The following ESPN variants were observed in gnomAD, a reference collection of about 807,000 sequenced individuals.
The protein encoded by ESPN is autosomal recessive deafness type 36 protein.
ESPN carries 68 observed loss-of-function variants against 77.7 expected under a neutral mutation model. The observed-to-expected ratio is 0.87, with a 90% CI of 0.72 to 1.07. The LOEUF (loss-of-function observed/expected upper bound fraction) is 1.07. ESPN is among the 50% of genes least tolerant of loss of function. The pLI is 0.00. For missense variants in ESPN, 1,060 were observed against 1,239.0 expected (o/e 0.86, Z 2.17); for synonymous variants, 449 against 567.1 (o/e 0.79, Z 2.96).
chr1:6,457,354 C>T lies in ESPN; in HGVS notation c.2406-7C>T. ...TACCAAGTGACACTGTCTCTTTTTCCTTCCAGGGAGCAGAAGCGGTGAGTG... is the reference window on the plus strand; with the variant it reads ...TACCAAGTGACACTGTCTCTTTTTCTTTCCAGGGAGCAGAAGCGGTGAGTG... On this transcript the variant is annotated splice_polypyrimidine_tract_variant and splice_region_variant and intron_variant, in intron 11 of 12. Transcript: ENST00000645284. The T allele has an allele frequency of 6.2e-7, 1 of 1,614,184 alleles. No individual in the cohort carries two copies. The highest frequency in any genetic ancestry group is 8.5e-7 in the Non-Finnish European group (1 of 1,180,028).
Position 6,450,679 on chromosome 1 carries a change from G to C in ESPN, c.1916-924G>C, listed in dbSNP as rs1643928888. Among the ~76,000 whole-genome samples, 1 of 152,122 alleles carries C rather than the reference G, an allele frequency of 6.6e-6. No individual in the cohort carries two copies. Among genetic ancestry groups the C allele is most frequent in the Non-Finnish European group, 1.5e-5 (1 of 68,034 alleles). On this transcript the variant is annotated intron_variant, in intron 8 of 12. Coordinates refer to ENST00000645284, the MANE Select transcript of ESPN (RefSeq NM_031475.3). The surrounding 1 kb of genome is among the most constrained non-coding windows in gnomAD (Gnocchi z 4.3). ...GCACCCAAGCATTCTGCACCTGGCT[G>C]ATGGTTTTGCCTAAATAAATGAGCC...
At chr1:6,441,867 C>A (rs990117315) in intron 5 of ESPN, among the ~76,000 whole-genome samples, 3 of 150,898 alleles carry the variant, frequency 2.0e-5, no homozygotes, top group African/African-American at 2.5e-5. Context: ...CCTCCCCCCC[C>A]CAGCACAGGG....
intron 10 of ESPN, chr1:6,454,628 G>A (rs545804028): frequency 1.5e-5 from 6 of 398,834 alleles, no homozygotes; most frequent in Non-Finnish European, 2.7e-5. Flanking sequence ...TGGAGCTGGA[G>A]CTGGAGCAGC....
intron 5 of ESPN, among the ~76,000 whole-genome samples, chr1:6,442,079 C>T (rs1569660263): frequency 1.3e-5 from 2 of 152,242 alleles, no homozygotes; most frequent in South Asian, 2.1e-4. Flanking sequence ...ATGGTGGGTC[C>T]CCTTCAGTTA....
At position 6,447,621 on chromosome 1, in the gene ESPN, C is replaced by T. The variant is rs1643873809; in HGVS notation, c.1465-1020C>T. On this transcript the variant is annotated intron_variant, in intron 7 of 12. Coordinates refer to ENST00000645284, the MANE Select transcript of ESPN (RefSeq NM_031475.3). This position sits in a 1 kb window ranked among gnomAD's most constrained non-coding sequence, Gnocchi z 5.2. The stretch of plus-strand genomic sequence containing the variant: ...GGGCAGCTGCGATGGGGTGGGAAGC[C>T]ACGCTGTCACCCGACCCCGCCTTAC... Among the ~76,000 whole-genome samples, 1 of 152,334 alleles carries T rather than the reference C, an allele frequency of 6.6e-6. No homozygotes were observed. The highest frequency in any genetic ancestry group is 2.4e-5 in the African/African-American group (1 of 41,570).
At chr1:6,454,392 G>A (rs1477105267) in intron 10 of ESPN, 1 of 398,722 alleles carries the variant, frequency 2.5e-6, no homozygotes, top group African/African-American at 2.1e-5. Context: ...TAGGCCAGAG[G>A]GAGACGCGCC....
intron 5 of ESPN, among the ~76,000 whole-genome samples, chr1:6,442,414 C>CA (rs1322428797): frequency 2.7e-5 from 4 of 148,234 alleles, no homozygotes; most frequent in South Asian, 2.2e-4. Flanking sequence ...ACTAAAAATA[C>CA]AAAAAAAAAT....
At chr1:6,435,148 A>G (rs1395305867) in intron 2 of ESPN, among the ~76,000 whole-genome samples, 1 of 151,776 alleles carries the variant, frequency 6.6e-6, no homozygotes, top group East Asian at 1.9e-4. Context: ...ATAGGCCGGG[A>G]AGTTTGACTG....
chr1:6,451,537 G>T lies in ESPN; in HGVS notation c.1916-66G>T. The stretch of plus-strand genomic sequence containing the variant: ...GGCTTAGGAAAGGGGCTGCAGAGGG[G>T]CGGGTGAGGGGTGGCGGGGATGCAG... On this transcript the variant is annotated intron_variant, in intron 8 of 12. Transcript: ENST00000645284. The surrounding 1 kb of genome is among the most constrained non-coding windows in gnomAD (Gnocchi z 4.3). The T allele has an allele frequency of 6.3e-7, 1 of 1,577,884 alleles. No individual in the cohort carries two copies. The highest frequency in any genetic ancestry group is 2.3e-5 in the East Asian group (1 of 43,218).
Position 6,445,725 on chromosome 1 carries a change from G to C in ESPN, c.1254G>C (p.Leu418=). The C allele has an allele frequency of 1.2e-6, 2 of 1,611,432 alleles. No individual in the cohort carries two copies. The highest frequency in any genetic ancestry group is 1.7e-6 in the Non-Finnish European group (2 of 1,179,610). The change falls in exon 7 of 13, where the codon CTG becomes CTC. Residue 418 remains leucine, a synonymous_variant. Transcript: ENST00000645284. Reference sequence around the variant, plus strand: ...ACATGGACATGCTGAACCCGGAGCTGGGCCTGCCTCGGGGCACGATTGGGA... The same window carrying C: ...ACATGGACATGCTGAACCCGGAGCTCGGCCTGCCTCGGGGCACGATTGGGA... ...QSYMDMLNPE[L]GLPRGTIGKP...
chr1:6,440,837 C>G, intron 4 of ESPN, 29 bp downstream of exon 4: 17 of 1,452,880 alleles, frequency 1.2e-5, no homozygotes, highest in Non-Finnish European at 1.4e-5. Flanking sequence ...TGGGGGCGCG[C>G]GCCCTCTGCT....
intron 2 of ESPN, among the ~76,000 whole-genome samples, chr1:6,432,395 G>A (rs1423208681): frequency 6.6e-6 from 1 of 152,210 alleles, no homozygotes; most frequent in Non-Finnish European, 1.5e-5. Flanking sequence ...TGGGGGCAGG[G>A]CCTGTGTCCG....
At chr1:6,444,747 G>T in intron 6 of ESPN, 65 bp downstream of exon 6, 3 of 1,598,218 alleles carry the variant, frequency 1.9e-6, no homozygotes, top group South Asian at 2.2e-5. Flanking sequence ...TGGGCTGTGA[G>T]GATTGGCCTT....
In ESPN at chr1:6,445,699, T is replaced by C; in HGVS notation, c.1228T>C (p.Tyr410His). 3.7e-6 allele frequency: 6 copies of C among 1,612,554 alleles called. No individual in the cohort carries two copies. The highest frequency in any genetic ancestry group is 1.7e-5 in the Admixed American group (1 of 59,980). Residue 410 changes from tyrosine to histidine, a missense_variant, in exon 7 of 13, where the codon TAC becomes CAC. This residue lies in a region of ESPN where 556 missense variants were observed against 633.6 expected (regional missense o/e 0.88). Transcript: ENST00000645284. Reference sequence around the variant, plus strand: ...CGCTAGAGCTGCAGACATACAGAGCTACATGGACATGCTGAACCCGGAGCT... The same window carrying C: ...CGCTAGAGCTGCAGACATACAGAGCCACATGGACATGCTGAACCCGGAGCT... Reference protein sequence around the residue: ...SSARAADIQSYMDMLNPELGL... With the variant: ...SSARAADIQSHMDMLNPELGL...
At chr1:6,426,808 C>A (rs558562862) in intron 1 of ESPN, among the ~76,000 whole-genome samples, 16 of 152,230 alleles carry the variant, frequency 1.1e-4, no homozygotes, top group Admixed American at 8.5e-4. Flanking sequence ...CCTTTGGGCT[C>A]GGAGGGGACA....
chr1:6,455,927 G>A, intron 10 of ESPN: 3 of 398,898 alleles, frequency 7.5e-6, no homozygotes, highest in Non-Finnish European at 1.3e-5. Context: ...GGAAAGAACA[G>A]GAGCGGACCG....
chr1:6,461,242 TC>T, downstream of ESPN: 1 of 763,698 alleles, frequency 1.3e-6, no homozygotes, highest in East Asian at 2.7e-5. This position sits in a 1 kb window ranked among gnomAD's most constrained non-coding sequence, Gnocchi z 6.3. Context: ...TCACCCCCTC[TC>T]GACATTCGTT....
intron 2 of ESPN, among the ~76,000 whole-genome samples, chr1:6,429,054 G>C (rs956263685): frequency 6.6e-6 from 1 of 151,880 alleles, no homozygotes; most frequent in African/African-American, 2.4e-5. Context: ...CCCTGGGTGG[G>C]GTGGGGGGTC....
intron 2 of ESPN, among the ~76,000 whole-genome samples, chr1:6,434,683 G>T (rs12074379): frequency 0.067 from 10,151 of 152,244 alleles, 434 homozygotes; most frequent in East Asian, 0.15. Flanking sequence ...GCACCCAACT[G>T]CCCGGCCCGT....
Sources: gnomAD v4.1 joint callset for allele counts (sites outside exome capture counted in the v4.1 genomes callset) on GRCh38, gnomAD v4.1.1 for gene constraint, gnomAD v4.1.1 regional missense constraint, Gnocchi (gnomAD v3.1) non-coding constraint, MANE v1.5 for transcripts, NCBI Gene and HGNC (gene_info 2026-07-23, HGNC 2026-07-21) for gene names.